PRKCZ: variants seen among roughly 807,000 people sequenced by gnomAD.
The protein encoded by PRKCZ is protein kinase C zeta.
In PRKCZ, 33 loss-of-function variants were observed where a neutral mutation model predicts 79.5. The observed-to-expected ratio is 0.41, with a 90% CI of 0.31 to 0.55. The LOEUF (loss-of-function observed/expected upper bound fraction) is 0.55. Ranked by LOEUF, PRKCZ falls within the 20% of genes least tolerant of loss-of-function variation. The pLI is 0.19. For missense variants in PRKCZ, 578 were observed against 813.5 expected, an observed-to-expected ratio of 0.71 and a Z score of 3.52; for synonymous variants, 342 against 320.9, an observed-to-expected ratio of 1.07 and a Z score of -0.70.
intron 4 of PRKCZ, among the ~76,000 whole-genome samples, chr1:2,117,982 G>A (rs1439863138): frequency 1.1e-5 from 1 of 92,660 alleles, no homozygotes; most frequent in Non-Finnish European, 2.2e-5. Flanking sequence ...TTATGAGAGA[G>A]ATTAGCCTAT....
At chr1:2,133,846 G>A in intron 4 of PRKCZ, 1 of 152,528 alleles carries the variant, frequency 6.6e-6, no homozygotes, top group Non-Finnish European at 1.5e-5. Context: ...GCCAGGACCT[G>A]CCGTAGGCTG....
At position 2,125,534 on chromosome 1, in the gene PRKCZ, C is replaced by G. The variant is rs957859461; in HGVS notation, c.335-9728C>G. On this transcript the variant is annotated intron_variant, in intron 4 of 17. Transcript: ENST00000378567. The surrounding 1 kb of genome is among the most constrained non-coding windows in gnomAD (Gnocchi z 4.2). ...GGCTTTGGCCCTTGTCCCACCCCTGCTCCCCTGAGGAGGGAGGCGTGGGGC... is the reference window on the plus strand; with the variant it reads ...GGCTTTGGCCCTTGTCCCACCCCTGGTCCCCTGAGGAGGGAGGCGTGGGGC... 3.9e-5 allele frequency among the ~76,000 whole-genome samples: 6 copies of G among 152,204 alleles called. No individual in the cohort carries two copies. The highest frequency in any genetic ancestry group is 1.4e-4 in the African/African-American group (6 of 41,454).
intron 5 of PRKCZ, chr1:2,143,378 G>A (rs1333360561): frequency 6.6e-6 from 1 of 152,196 alleles, no homozygotes; most frequent in African/African-American, 2.4e-5. Context: ...GTAATAGGAA[G>A]GAAATTTGTG....
chr1:2,128,889 C>T lies in PRKCZ; in HGVS notation c.335-6373C>T, dbSNP rs573719479. 3.9e-5 allele frequency among the ~76,000 whole-genome samples: 6 copies of T among 152,308 alleles called. No individual in the cohort carries two copies. Among genetic ancestry groups the T allele is most frequent in the Admixed American group, 2.6e-4 (4 of 15,298 alleles). ...CGCGGTGCCAGGCCCACAGCCTCCT[C>T]GCCGGTAGTATCTGGGGGCCAGGGG... On this transcript the variant is annotated intron_variant, in intron 4 of 17. Transcript: ENST00000378567. The surrounding 1 kb of genome is among the most constrained non-coding windows in gnomAD (Gnocchi z 6.5).
intron 4 of PRKCZ, among the ~76,000 whole-genome samples, chr1:2,114,733 C>T (rs966072198): frequency 1.3e-5 from 2 of 151,932 alleles, no homozygotes; most frequent in Non-Finnish European, 2.9e-5. Context: ...GAGATCGTGC[C>T]ACTGCACTCC....
intron 4 of PRKCZ, chr1:2,073,875 C>T (rs1661887292): frequency 1.8e-6 from 2 of 1,102,028 alleles, no homozygotes; most frequent in Non-Finnish European, 2.2e-6. Context: ...CCCTGCACGC[C>T]CGCCGCGCAC....
chr1:2,077,913 G>T (rs1301837095), intron 4 of PRKCZ, among the ~76,000 whole-genome samples: 1 of 152,196 alleles, frequency 6.6e-6, no homozygotes, highest in Admixed American at 6.5e-5. Flanking sequence ...CTAATTGCGG[G>T]TGACGTGAAT....
chr1:2,120,290 T>C (rs1307825887), intron 4 of PRKCZ, among the ~76,000 whole-genome samples: 2 of 144,912 alleles, frequency 1.4e-5, no homozygotes, highest in African/African-American at 5.0e-5. Context: ...CCCTTGACTT[T>C]TCGTTTTTTT....
chr1:2,086,834 C>T (rs1382838656), intron 4 of PRKCZ, among the ~76,000 whole-genome samples: 1 of 152,194 alleles, frequency 6.6e-6, no homozygotes, highest in Non-Finnish European at 1.5e-5. Context: ...CCTTCGAATG[C>T]GGATGACACA....
intron 5 of PRKCZ, among the ~76,000 whole-genome samples, chr1:2,136,188 C>T (rs1420029240): frequency 6.6e-6 from 1 of 152,228 alleles, no homozygotes; most frequent in Non-Finnish European, 1.5e-5. Context: ...CCTGCCCCTC[C>T]TTCTACTCCC....
intron 2 of PRKCZ, 76 bp from the exon 3 acceptor site, chr1:2,056,408 G>A: frequency 2.2e-6 from 3 of 1,347,686 alleles, no homozygotes; most frequent in Non-Finnish European, 1.0e-6. Flanking sequence ...CTTGTCTGGT[G>A]TGCTGAGCGG....
intron 4 of PRKCZ, among the ~76,000 whole-genome samples, chr1:2,115,349 C>G (rs967339021): frequency 6.6e-6 from 1 of 152,242 alleles, no homozygotes; most frequent in Non-Finnish European, 1.5e-5. Context: ...TTGCCCGTGG[C>G]GCATCTTTCA....
At chr1:2,086,737 G>C (rs569680438) in intron 4 of PRKCZ, among the ~76,000 whole-genome samples, 51 of 152,364 alleles carry the variant, frequency 3.3e-4, no homozygotes, top group South Asian at 6.2e-4. Flanking sequence ...TCCCGCGGCA[G>C]CTCCCAGTGC....
chr1:2,135,047 C>CT (rs1675894152), intron 4 of PRKCZ: 3 of 469,194 alleles, frequency 6.4e-6, no homozygotes, highest in South Asian at 4.9e-5. Context: ...ACCTGGGCCT[C>CT]TGTCTCCAGC....
At chr1:2,067,804 G>T (rs531055601) in intron 4 of PRKCZ, among the ~76,000 whole-genome samples, 40 of 152,320 alleles carry the variant, frequency 2.6e-4, no homozygotes, top group Admixed American at 2.5e-3. Context: ...ACACAGAAAT[G>T]GTATGTGTGA....
chr1:2,180,005 C>T (rs560240034), intron 16 of PRKCZ, among the ~76,000 whole-genome samples: 2 of 152,252 alleles, frequency 1.3e-5, no homozygotes, highest in South Asian at 2.1e-4. Flanking sequence ...TTATGGGAGA[C>T]GTGGAGCAGT....
intron 9 of PRKCZ, among the ~76,000 whole-genome samples, chr1:2,154,877 C>T (rs1680619365): frequency 6.6e-6 from 1 of 152,238 alleles, no homozygotes; most frequent in Admixed American, 6.5e-5. Context: ...AGTCCTATGG[C>T]TGAAGCTAGT....
At chr1:2,141,646 A>C (rs1178442576) in intron 5 of PRKCZ, 2 of 154,594 alleles carry the variant, frequency 1.3e-5, no homozygotes, top group Non-Finnish European at 2.9e-5. Flanking sequence ...GCGCCTGGCC[A>C]ATCTTGGTTA....
Position 2,148,865 on chromosome 1 carries a change from T to C in PRKCZ, c.635-7T>C. ...TAACGCCCCTTCCTTCCTCCCTCTCTCACCAGTTGCTTACATTTCCTCATC... is the reference window on the plus strand; with the variant it reads ...TAACGCCCCTTCCTTCCTCCCTCTCCCACCAGTTGCTTACATTTCCTCATC... On this transcript the variant is annotated splice_region_variant and splice_polypyrimidine_tract_variant and intron_variant, in intron 7 of 17. Coordinates refer to ENST00000378567, the MANE Select transcript of PRKCZ (RefSeq NM_002744.6). 1.2e-6 allele frequency: 2 copies of C among 1,613,852 alleles called. No individual in the cohort carries two copies. The highest frequency in any genetic ancestry group is 1.7e-6 in the Non-Finnish European group (2 of 1,179,812).
Sources: allele counts gnomAD v4.1 joint callset (sites outside exome capture counted in the v4.1 genomes callset), GRCh38; gene constraint gnomAD v4.1.1; non-coding constraint Gnocchi (gnomAD v3.1); transcripts MANE v1.5; gene names NCBI Gene and HGNC (gene_info 2026-07-23, HGNC 2026-07-21).